Variants in WNK2 observed in about 807,000 individuals in gnomAD.
WNK2 encodes the protein WNK lysine deficient protein kinase 2.
WNK2 carries 67 observed loss-of-function variants against 192.1 expected under a neutral mutation model. The observed-to-expected ratio is 0.35, with a 90% CI of 0.29 to 0.43. The LOEUF (loss-of-function observed/expected upper bound fraction) is 0.43, where lower values mean the gene tolerates loss of function less well. Ranked by LOEUF, WNK2 falls within the 20% of genes least tolerant of loss-of-function variation. The probability of loss-of-function intolerance (pLI) is 1.00; values close to 1 mark genes in which losing one functional copy is unlikely to be tolerated. For missense variants in WNK2, 2,698 were observed against 3,089.7 expected, an observed-to-expected ratio of 0.87 and a Z score of 3.01; for synonymous variants, 1,439 against 1,393.9, an observed-to-expected ratio of 1.03 and a Z score of -0.72.
intron 8 of WNK2, 28 bp from the exon 9 acceptor site, chr9:93,252,855 C>T: frequency 7.2e-7 from 1 of 1,386,390 alleles, no homozygotes; most frequent in African/African-American, 1.5e-5. Flanking sequence ...GAGATGTCCA[C>T]TCTAAGTCCT....
rs897638220 is a variant in WNK2 at position 93,185,061 on chromosome 9, C to G, written c.132C>G (p.Arg44=). The G allele has an allele frequency of 1.2e-4, 162 of 1,305,786 alleles. No individual in the cohort carries two copies. Among genetic ancestry groups the G allele is most frequent in the Non-Finnish European group, 1.5e-4 (156 of 1,026,226 alleles). The allele number at this position is 1,305,786 out of a possible 1,614,324, so 80.9% of individuals were successfully genotyped here. A position where few individuals can be genotyped will look rare whatever the true frequency, so the allele number is the denominator to read the frequency against. ...CGGGGCCCCAGCGCTTTCTGCGGCG[C>G]AGCGTGGTAGAGTCGGACCAGGAGG... ...ARPGPQRFLR[R]SVVESDQEEP... is the part of the protein sequence containing the mutation. Residue 44 remains arginine (R), a synonymous_variant, in exon 2 of 30, where the codon CGC becomes CGG. Transcript: ENST00000427277.
At chr9:93,194,670 C>T (rs1330938819) in intron 2 of WNK2, among the ~76,000 whole-genome samples, 1 of 152,220 alleles carries the variant, frequency 6.6e-6, no homozygotes, top group Non-Finnish European at 1.5e-5. Flanking sequence ...ACTAAACACA[C>T]TCTTACTATG....
chr9:93,270,286 C>T (rs1845831733), intron 19 of WNK2, among the ~76,000 whole-genome samples: 1 of 152,182 alleles, frequency 6.6e-6, no homozygotes, highest in South Asian at 2.1e-4. Flanking sequence ...GGCCTTTCTG[C>T]AGGAAGGAAT....
At chr9:93,202,352 G>GTC (rs1832573239) in intron 2 of WNK2, among the ~76,000 whole-genome samples, 1 of 148,268 alleles carries the variant, frequency 6.7e-6, no homozygotes, top group African/African-American at 2.4e-5. Context: ...GTGTGTGTGT[G>GTC]TGTGTGTGTG....
chr9:93,309,126 TC>T (rs35903439), intron 28 of WNK2: 131,288 of 986,402 alleles, frequency 0.13, 9,183 homozygotes, highest in Middle Eastern at 0.16. Flanking sequence ...TTTTCAGCTT[TC>T]TGGAGGGGTT....
At chr9:93,232,291 A>G (rs1838948877) in intron 4 of WNK2, among the ~76,000 whole-genome samples, 1 of 152,170 alleles carries the variant, frequency 6.6e-6, no homozygotes, top group African/African-American at 2.4e-5. Context: ...CCCTGTGTAC[A>G]CAAAGCCTCT....
chr9:93,271,998 T>C (rs539953366), intron 19 of WNK2, among the ~76,000 whole-genome samples: 8 of 152,220 alleles, frequency 5.3e-5, no homozygotes, highest in Non-Finnish European at 8.8e-5. Flanking sequence ...AAGAAAAAAC[T>C]GTCCATCTAG....
intron 7 of WNK2, among the ~76,000 whole-genome samples, chr9:93,243,548 C>G (rs1169967606): frequency 6.6e-6 from 1 of 152,240 alleles, no homozygotes; most frequent in Non-Finnish European, 1.5e-5. Flanking sequence ...GGGACATGAC[C>G]TGTGCTCAGC....
chr9:93,251,033 C>T (rs562153167), intron 8 of WNK2, among the ~76,000 whole-genome samples: 11 of 151,980 alleles, frequency 7.2e-5, no homozygotes, highest in African/African-American at 1.9e-4. Context: ...GTTATCTGCC[C>T]GCCTCAGCCT....
chr9:93,230,662 G>A (rs748541625), intron 3 of WNK2, among the ~76,000 whole-genome samples: 9 of 152,252 alleles, frequency 5.9e-5, no homozygotes, highest in Non-Finnish European at 1.2e-4. Context: ...TCCTTGGCAT[G>A]AGGGGAGCAA....
chr9:93,212,317 G>T (rs1255690612), intron 2 of WNK2, among the ~76,000 whole-genome samples: 1 of 152,244 alleles, frequency 6.6e-6, no homozygotes, highest in African/African-American at 2.4e-5. Context: ...AGTGGATTCT[G>T]TTGCCGGGCT....
At chr9:93,189,690 C>T (rs1338526531) in intron 2 of WNK2, among the ~76,000 whole-genome samples, 3 of 152,232 alleles carry the variant, frequency 2.0e-5, no homozygotes, top group East Asian at 1.9e-4. Flanking sequence ...CTGGCAGCCC[C>T]GCCAGTGCCA....
chr9:93,225,590 G>A (rs966801451), intron 2 of WNK2, among the ~76,000 whole-genome samples: 1 of 152,210 alleles, frequency 6.6e-6, no homozygotes, highest in Non-Finnish European at 1.5e-5. Flanking sequence ...TGTAGTGCAT[G>A]CAGGGTACGC....
At position 93,220,858 on chromosome 9, in the gene WNK2, G is replaced by A. The variant is rs117929106; in HGVS notation, c.682-8838G>A. Among the ~76,000 whole-genome samples, 628 of 152,280 alleles carry A rather than the reference G, an allele frequency of 4.1e-3. 5 individuals carry two copies. Among genetic ancestry groups the A allele is most frequent in the Non-Finnish European group, 3.4e-3 (229 of 68,006 alleles). On this transcript the variant is annotated intron_variant, in intron 2 of 29. Coordinates refer to ENST00000427277, the MANE Select transcript of WNK2 (RefSeq NM_006648.4). ...AGTCCTGTCAGCTGCACCCTGTCAT[G>A]GTTCATTGCCTCAGGGGTGCCTGAC...
At chr9:93,308,616 TG>T in intron 28 of WNK2, 32 bp downstream of exon 28, 1 of 1,509,214 alleles carries the variant, frequency 6.6e-7, no homozygotes, top group Non-Finnish European at 8.9e-7. Flanking sequence ...CGGGTGCTCC[TG>T]GGGTGGGGTA....
intron 7 of WNK2, among the ~76,000 whole-genome samples, chr9:93,242,938 A>G (rs569452772): frequency 2.0e-5 from 3 of 152,304 alleles, no homozygotes; most frequent in South Asian, 2.1e-4. Context: ...TGTTCCTTCC[A>G]TGAATGTGGT....
intron 4 of WNK2, among the ~76,000 whole-genome samples, chr9:93,234,366 G>C (rs372248677): frequency 6.6e-6 from 1 of 152,210 alleles, no homozygotes; most frequent in Non-Finnish European, 1.5e-5. Context: ...ACATTTAGGG[G>C]TTTTGTGGCT....
Position 93,239,775 on chromosome 9 carries a change from G to A in WNK2, c.1341G>A (p.Leu447=). Residue 447 remains leucine (L), a synonymous_variant, in exon 7 of 30, where the codon CTG becomes CTA. Coordinates refer to ENST00000427277, the MANE Select transcript of WNK2 (RefSeq NM_006648.4). This position sits in a 1 kb window ranked among gnomAD's most constrained non-coding sequence, Gnocchi z 4.2. ...NKEERYEIKD[L]LSHAFFAEDT... is the part of the protein sequence containing the mutation. The stretch of plus-strand genomic sequence containing the variant: ...CCTCCAGGTACGAGATCAAAGACCT[G>A]CTGAGCCACGCCTTCTTCGCAGAGG... 6.4e-7 allele frequency: 1 copy of A among 1,558,484 alleles called. No individual in the cohort carries two copies. Among genetic ancestry groups the A allele is most frequent in the Non-Finnish European group, 8.7e-7 (1 of 1,151,272 alleles).
At position 93,251,483 on chromosome 9, in the gene WNK2, G is replaced by A. The variant is rs143144757; in HGVS notation, c.1835-1400G>A. Among the ~76,000 whole-genome samples the A allele has an allele frequency of 3.5e-4, 53 of 152,284 alleles. No homozygotes were observed. The East Asian group carries it at 8.6e-3, about 25-fold the overall frequency. ...GGCTCCTTTTGGGAGTCAAAGGTGCGTGGGTCACTTGAGCCCAGGGGTTCG... is the reference window on the plus strand; with the variant it reads ...GGCTCCTTTTGGGAGTCAAAGGTGCATGGGTCACTTGAGCCCAGGGGTTCG... On this transcript the variant is annotated intron_variant, in intron 8 of 29. Coordinates refer to ENST00000427277, the MANE Select transcript of WNK2 (RefSeq NM_006648.4).
Sources: allele counts gnomAD v4.1 joint callset (sites outside exome capture counted in the v4.1 genomes callset), GRCh38; gene constraint gnomAD v4.1.1; non-coding constraint Gnocchi (gnomAD v3.1); transcripts MANE v1.5; gene names NCBI Gene and HGNC (gene_info 2026-07-23, HGNC 2026-07-21).